ASTN2: variants seen among roughly 807,000 people sequenced by gnomAD.
ASTN2 encodes astrotactin-2.
In ASTN2, 54 loss-of-function variants were observed where a neutral mutation model predicts 139.8. The observed-to-expected ratio is 0.39, with a 90% CI of 0.31 to 0.48. The LOEUF (loss-of-function observed/expected upper bound fraction) is 0.48. ASTN2 is among the 20% of genes least tolerant of loss of function. The pLI is 0.95. For synonymous variants in ASTN2, 756 were observed against 719.5 expected, an observed-to-expected ratio of 1.05 and a Z score of -0.81; for missense variants, 1,565 against 1,725.1, an observed-to-expected ratio of 0.91 and a Z score of 1.64.
At position 116,594,166 on chromosome 9, in the gene ASTN2, T is replaced by G. The variant is rs116666734; in HGVS notation, c.3355+24158A>C. Reference sequence around the variant, plus strand: ...AAGACATAATCTAGCTTTGCATCTTTAAGCCAGCAAGAGCCTCAATACATC... The same window carrying G: ...AAGACATAATCTAGCTTTGCATCTTGAAGCCAGCAAGAGCCTCAATACATC... On this transcript the variant is annotated intron_variant, in intron 19 of 22. Coordinates refer to ENST00000313400, the MANE Select transcript of ASTN2 (RefSeq NM_001365068.1). Among the ~76,000 whole-genome samples, 383 of 152,340 alleles carry G rather than the reference T, an allele frequency of 2.5e-3. 1 individual carries two copies. Among genetic ancestry groups the G allele is most frequent in the African/African-American group, 8.7e-3 (363 of 41,588 alleles).
At chr9:117,147,657 T>C (rs1273415610) in intron 3 of ASTN2, among the ~76,000 whole-genome samples, 1 of 152,206 alleles carries the variant, frequency 6.6e-6, no homozygotes, top group Non-Finnish European at 1.5e-5. Flanking sequence ...GGGAGCCTGG[T>C]ATTTCCTTAT....
intron 7 of ASTN2, among the ~76,000 whole-genome samples, chr9:117,004,539 A>G (rs958588431): frequency 7.2e-5 from 11 of 152,180 alleles, no homozygotes; most frequent in Admixed American, 6.5e-5. Context: ...ACAAAAGTTA[A>G]CCTGGAGAAG....
At chr9:117,200,567 A>T (rs1455673233) in intron 3 of ASTN2, among the ~76,000 whole-genome samples, 75 of 152,204 alleles carry the variant, frequency 4.9e-4, no homozygotes, top group Admixed American at 4.9e-3. Flanking sequence ...AGTTTTTAAC[A>T]TGAAGGGATG....
chr9:117,378,774 C>A (rs1830189990), intron 1 of ASTN2, among the ~76,000 whole-genome samples: 1 of 152,164 alleles, frequency 6.6e-6, no homozygotes, highest in Non-Finnish European at 1.5e-5. Flanking sequence ...GTAAATATGT[C>A]TTAGATATGT....
chr9:116,494,351 G>A (rs907829197), intron 19 of ASTN2, among the ~76,000 whole-genome samples: 7 of 152,154 alleles, frequency 4.6e-5, no homozygotes, highest in Non-Finnish European at 1.0e-4. Context: ...TTTATAATAT[G>A]TCTGATACAT....
At chr9:116,847,034 C>CA (rs1475576879) in intron 11 of ASTN2, among the ~76,000 whole-genome samples, 3 of 118,766 alleles carry the variant, frequency 2.5e-5, no homozygotes, top group Admixed American at 8.0e-5. Context: ...AAACAAAAAA[C>CA]AAAAAACAAA....
intron 1 of ASTN2, among the ~76,000 whole-genome samples, chr9:117,401,578 A>G (rs1028954013): frequency 5.9e-5 from 9 of 152,214 alleles, no homozygotes; most frequent in African/African-American, 2.2e-4. Flanking sequence ...TTTGGAAGAC[A>G]TCACTCTGGC....
chr9:117,243,990 A>T (rs556765448), intron 2 of ASTN2, among the ~76,000 whole-genome samples: 1 of 152,230 alleles, frequency 6.6e-6, no homozygotes, highest in Non-Finnish European at 1.5e-5. Context: ...GATGTGAATC[A>T]TGGGGGCAGT....
At position 117,137,768 on chromosome 9, in the gene ASTN2, G is replaced by C. The variant is rs1301195467; in HGVS notation, c.1168+3558C>G. On this transcript the variant is annotated intron_variant, in intron 4 of 22. Coordinates refer to ENST00000313400, the MANE Select transcript of ASTN2 (RefSeq NM_001365068.1). The stretch of plus-strand genomic sequence containing the variant: ...CAAGGAAATCTTGATGGGCTGTCTT[G>C]GGTAAGTTTGGAAGTATAGGGCTGA... 5.3e-5 allele frequency among the ~76,000 whole-genome samples: 8 copies of C among 151,962 alleles called. No homozygotes were observed. The East Asian group carries it at 1.6e-3, about 29-fold the overall frequency.
At chr9:116,546,505 T>C (rs982657069) in intron 19 of ASTN2, 2 of 152,116 alleles carry the variant, frequency 1.3e-5, no homozygotes, top group Non-Finnish European at 2.9e-5. Flanking sequence ...AGTTGAGTAA[T>C]GTATTGAGTT....
chr9:116,948,296 A>G (rs1835453369), intron 10 of ASTN2, among the ~76,000 whole-genome samples: 1 of 152,196 alleles, frequency 6.6e-6, no homozygotes, highest in Non-Finnish European at 1.5e-5. Flanking sequence ...CATTAAATGT[A>G]TTCATTTATT....
intron 19 of ASTN2, among the ~76,000 whole-genome samples, chr9:116,514,764 C>T (rs1454430708): frequency 4.6e-5 from 7 of 152,148 alleles, no homozygotes; most frequent in Admixed American, 6.5e-5. Flanking sequence ...AAGCAGTAAG[C>T]GAGGCTCCAT....
chr9:116,735,304 A>C (rs1324241224), intron 13 of ASTN2, among the ~76,000 whole-genome samples: 3 of 152,190 alleles, frequency 2.0e-5, no homozygotes, highest in Admixed American at 6.5e-5. Flanking sequence ...GTCTTTGTCT[A>C]CAAATCTGGG....
chr9:116,997,945 A>G (rs929998862), intron 7 of ASTN2, among the ~76,000 whole-genome samples: 13 of 152,198 alleles, frequency 8.5e-5, no homozygotes, highest in Admixed American at 5.9e-4. Context: ...TCTGCTATAT[A>G]TAGATAATGA....
chr9:116,977,231 C>T (rs1348801269), intron 7 of ASTN2, among the ~76,000 whole-genome samples: 1 of 152,174 alleles, frequency 6.6e-6, no homozygotes, highest in Non-Finnish European at 1.5e-5. Flanking sequence ...CCATAAATCC[C>T]AAGTTAAATG....
chr9:116,530,766 A>G (rs1351826155), intron 19 of ASTN2, among the ~76,000 whole-genome samples: 2 of 152,150 alleles, frequency 1.3e-5, no homozygotes, highest in Admixed American at 6.6e-5. Context: ...TTCTCCTGAT[A>G]TTCCTTTTTA....
intron 13 of ASTN2, among the ~76,000 whole-genome samples, chr9:116,804,072 T>C (rs919691270): frequency 5.3e-5 from 8 of 152,036 alleles, no homozygotes; most frequent in African/African-American, 1.9e-4. Context: ...TTCTATCTCC[T>C]TTTCCATCTT....
At chr9:116,733,706 A>C (rs916649040) in intron 13 of ASTN2, among the ~76,000 whole-genome samples, 183 bp from the exon 14 acceptor site, 1 of 152,186 alleles carries the variant, frequency 6.6e-6, no homozygotes, top group Admixed American at 6.5e-5. Context: ...TTCCTGAATC[A>C]GGCAGGCTGG....
At chr9:117,345,206 T>C (rs1829179082) in intron 1 of ASTN2, among the ~76,000 whole-genome samples, 1 of 152,182 alleles carries the variant, frequency 6.6e-6, no homozygotes, top group Non-Finnish European at 1.5e-5. Context: ...TGCTTTGTTT[T>C]ATTATTTTAC....
Sources: allele counts gnomAD v4.1 joint callset (sites outside exome capture counted in the v4.1 genomes callset), GRCh38; gene constraint gnomAD v4.1.1; transcripts MANE v1.5; gene names NCBI Gene and HGNC (gene_info 2026-07-23, HGNC 2026-07-21).